MEGF11: variants seen among roughly 807,000 people sequenced by gnomAD.
The protein encoded by MEGF11 is multiple EGF like domains 11.
A neutral mutation model predicts 146.6 loss-of-function variants in MEGF11; 126 were observed. The ratio of observed to expected loss-of-function variants is 0.86; its 90% CI spans 0.74 to 1.00. The LOEUF (loss-of-function observed/expected upper bound fraction) is 1.00, where lower values mean the gene tolerates loss of function less well. MEGF11 is among the 50% of genes least tolerant of loss of function. MEGF11 has a pLI of 0.00. For synonymous variants in MEGF11, 532 were observed against 583.4 expected (o/e 0.91, Z 1.27); for missense variants, 1,509 against 1,521.2 (o/e 0.99, Z 0.13).
chr15:66,202,409 T>C (rs907467549), intron 1 of MEGF11, among the ~76,000 whole-genome samples: 6 of 152,140 alleles, frequency 3.9e-5, no homozygotes, highest in South Asian at 2.1e-4. Context: ...CATGCTAAGG[T>C]TGGGCTCCGT....
chr15:65,896,125 C>T lies in MEGF11; in HGVS notation c.*1809G>A, dbSNP rs979396979. 1 of 152,450 alleles carries T rather than the reference C, an allele frequency of 6.6e-6. No homozygotes were observed. Among genetic ancestry groups the T allele is most frequent in the Non-Finnish European group, 1.5e-5 (1 of 68,034 alleles). The allele number at this position is 152,450 out of a possible 1,614,324, so 9.4% of individuals were successfully genotyped here. A position where few individuals can be genotyped will look rare whatever the true frequency, so the allele number is the denominator to read the frequency against. On this transcript the variant is annotated 3_prime_UTR_variant, in exon 26 of 26. Coordinates refer to ENST00000395614, the MANE Select transcript of MEGF11 (RefSeq NM_001385028.1). ...CTGAAATACTGAGGTAAGCTGCTTA[C>T]CTATATTTCTTTCTACATATGTATG...
chr15:66,032,987 A>G (rs1389838175), intron 5 of MEGF11, among the ~76,000 whole-genome samples: 5 of 149,124 alleles, frequency 3.4e-5, no homozygotes, highest in Non-Finnish European at 4.4e-5. Flanking sequence ...AGGCTGAGGC[A>G]GGAGAATGGC....
At chr15:65,995,799 A>C (rs973688138) in intron 5 of MEGF11, among the ~76,000 whole-genome samples, 1 of 152,202 alleles carries the variant, frequency 6.6e-6, no homozygotes, top group Non-Finnish European at 1.5e-5. Context: ...CAGGGTGCCC[A>C]CCAGCTGCCT....
Position 65,915,728 on chromosome 15 carries a change from TGAG to T in MEGF11, c.2345-133_2345-131del, listed in dbSNP as rs1399443116. ...TGAAGCCTATTCCCTTAGCTCCTGTTGAGGAGCATTTATAGCACTGAGTGGGGG... is the reference window on the plus strand; with the variant it reads ...TGAAGCCTATTCCCTTAGCTCCTGTTGAGCATTTATAGCACTGAGTGGGGG... On this transcript the variant is annotated intron_variant, in intron 18 of 25. Coordinates refer to ENST00000395614, the MANE Select transcript of MEGF11 (RefSeq NM_001385028.1). 6.7e-6 allele frequency: 8 copies of T among 1,187,110 alleles called. 1 individual carries two copies. The South Asian group carries it at 7.7e-5, about 11-fold the overall frequency. 73.5% of individuals were successfully genotyped at this position (1,187,110 alleles called of 1,614,324 possible). A position where few individuals can be genotyped will look rare whatever the true frequency, so the allele number is the denominator to read the frequency against.
intron 5 of MEGF11, among the ~76,000 whole-genome samples, chr15:66,014,415 T>C (rs1450471273): frequency 6.6e-6 from 1 of 152,204 alleles, no homozygotes; most frequent in African/African-American, 2.4e-5. Flanking sequence ...GGTGGCTCCT[T>C]CCTAGGGCTA....
At chr15:66,075,682 T>C (rs541478950) in intron 5 of MEGF11, among the ~76,000 whole-genome samples, 1 of 152,274 alleles carries the variant, frequency 6.6e-6, no homozygotes, top group Admixed American at 6.5e-5. Flanking sequence ...CACTGATGGC[T>C]CGGAGAAAAG....
intron 5 of MEGF11, among the ~76,000 whole-genome samples, chr15:66,044,879 A>T (rs1442293909): frequency 7.0e-6 from 1 of 143,330 alleles, no homozygotes; most frequent in Non-Finnish European, 1.5e-5. Flanking sequence ...AAAAAAAAAA[A>T]AGAAATTGAA....
chr15:65,922,523 C>G, intron 14 of MEGF11, 51 bp from the exon 15 acceptor site: 1 of 1,492,392 alleles, frequency 6.7e-7, no homozygotes, highest in Non-Finnish European at 8.9e-7. Context: ...CCCCAGCCAG[C>G]CTAGCTACCC....
chr15:65,969,328 C>T (rs762948170), intron 8 of MEGF11, among the ~76,000 whole-genome samples: 41 of 152,222 alleles, frequency 2.7e-4, no homozygotes, highest in South Asian at 1.0e-3. Context: ...GATTCCAGTC[C>T]GTACTGGCTC....
chr15:65,980,420 G>A (rs867411908), intron 7 of MEGF11, among the ~76,000 whole-genome samples: 1 of 7,750 alleles, frequency 1.3e-4, no homozygotes, highest in Non-Finnish European at 4.2e-4. Context: ...TTTTTTTTTT[G>A]TGAGACAGAG....
chr15:66,021,851 T>C (rs1395829700), intron 5 of MEGF11, among the ~76,000 whole-genome samples: 1 of 152,252 alleles, frequency 6.6e-6, no homozygotes, highest in African/African-American at 2.4e-5. Flanking sequence ...CTATTCCATT[T>C]GCAAGAGTTT....
chr15:66,048,781 G>A lies in MEGF11; in HGVS notation c.394+45621C>T, dbSNP rs1483817689. Among the ~76,000 whole-genome samples the A allele has an allele frequency of 2.6e-5, 4 of 152,302 alleles. No individual in the cohort carries two copies. In the East Asian group the frequency reaches 5.8e-4, roughly 22 times the overall value. On this transcript the variant is annotated intron_variant, in intron 5 of 25. Coordinates refer to ENST00000395614, the MANE Select transcript of MEGF11 (RefSeq NM_001385028.1). ...CTTGCCCCACAAGTGACATTGTTAA[G>A]TTCTAGGCAGCAGAATTGACAGATA...
In MEGF11 at chr15:66,008,147, A is replaced by G. The variant is rs535462530; in HGVS notation, c.395-25659T>C. On this transcript the variant is annotated intron_variant, in intron 5 of 25. Transcript: ENST00000395614. ...CACTTCACTGTGGCCTGTGGTTTTC[A>G]ACAATGTTTTTTAAAATCAGGGAAC... Among the ~76,000 whole-genome samples, 55 of 152,292 alleles carry G rather than the reference A, an allele frequency of 3.6e-4. 1 individual carries two copies. Among genetic ancestry groups the G allele is most frequent in the Non-Finnish European group, 2.9e-5 (2 of 68,022 alleles).
At chr15:66,068,229 C>G (rs1251218984) in intron 5 of MEGF11, among the ~76,000 whole-genome samples, 1 of 152,092 alleles carries the variant, frequency 6.6e-6, no homozygotes, top group African/African-American at 2.4e-5. Flanking sequence ...TAGTAGGTAC[C>G]TGATATATAA....
chr15:66,134,260 C>T (rs1489612442), intron 1 of MEGF11, among the ~76,000 whole-genome samples: 1 of 152,156 alleles, frequency 6.6e-6, no homozygotes, highest in Non-Finnish European at 1.5e-5. Flanking sequence ...TCTGGGCCCT[C>T]AAACCGCCTC....
rs201360171 is a variant in MEGF11, at chr15:66,052,860, T to C, written c.394+41542A>G. 5.3e-5 allele frequency among the ~76,000 whole-genome samples: 8 copies of C among 152,350 alleles called. No individual in the cohort carries two copies. In the East Asian group the frequency reaches 1.5e-3, roughly 29 times the overall value. ...AAAATACCAAAGCTTAGCCCCACCC[T>C]TGACCAAAGAAATTAGAATCTCTGG... On this transcript the variant is annotated intron_variant, in intron 5 of 25. Transcript: ENST00000395614.
chr15:65,929,951 C>T (rs911972828), intron 11 of MEGF11, 68 bp from the exon 12 acceptor site: 20 of 1,463,952 alleles, frequency 1.4e-5, no homozygotes, highest in Non-Finnish European at 1.9e-5. Context: ...CCCACTCCCC[C>T]CAGCTCTGCA....
At chr15:66,069,068 C>T (rs1423075900) in intron 5 of MEGF11, among the ~76,000 whole-genome samples, 1 of 152,270 alleles carries the variant, frequency 6.6e-6, no homozygotes, top group Non-Finnish European at 1.5e-5. Context: ...TACCCTCTCT[C>T]AGCCTCAGCT....
chr15:65,922,213 T>C, intron 15 of MEGF11, 125 bp downstream of exon 15: 1 of 1,215,882 alleles, frequency 8.2e-7, no homozygotes, highest in Non-Finnish European at 1.2e-6. Context: ...GCAGCCCAAG[T>C]CCTGAAGAGG....
Sources: gnomAD v4.1 joint callset for allele counts (sites outside exome capture counted in the v4.1 genomes callset) on GRCh38, gnomAD v4.1.1 for gene constraint, MANE v1.5 for transcripts, NCBI Gene and HGNC (gene_info 2026-07-23, HGNC 2026-07-21) for gene names.